The following TSHZ2 variants were observed in gnomAD, a reference collection of about 807,000 sequenced individuals.
The protein encoded by TSHZ2 is teashirt zinc finger homeobox 2, also known as teashirt homolog 2.
A neutral mutation model predicts 74.4 loss-of-function variants in TSHZ2; 21 were observed. That is an observed-to-expected ratio of 0.28 (90% confidence interval 0.20 to 0.41). The LOEUF (loss-of-function observed/expected upper bound fraction) is 0.41. TSHZ2 is among the 10% of genes least tolerant of loss of function. The pLI is 1.00. For synonymous variants in TSHZ2, 540 were observed against 515.3 expected, an observed-to-expected ratio of 1.05 and a Z score of -0.65; for missense variants, 1,244 against 1,293.5, an observed-to-expected ratio of 0.96 and a Z score of 0.59.
At chr20:53,221,921 C>T (rs920555352) in intron 1 of TSHZ2, among the ~76,000 whole-genome samples, 7 of 152,186 alleles carry the variant, frequency 4.6e-5, no homozygotes, top group Admixed American at 4.6e-4. Context: ...CACAAACTAT[C>T]ATATCAATCT....
chr20:53,383,997 G>A (rs889613002), intron 2 of TSHZ2, among the ~76,000 whole-genome samples: 1 of 152,118 alleles, frequency 6.6e-6, no homozygotes, highest in Non-Finnish European at 1.5e-5. Context: ...CCCTCTTCCG[G>A]ATGACATGTG....
At chr20:52,976,701 T>C (rs1981352185) in intron 1 of TSHZ2, among the ~76,000 whole-genome samples, 1 of 152,230 alleles carries the variant, frequency 6.6e-6, no homozygotes, top group Non-Finnish European at 1.5e-5. Flanking sequence ...GTATTTTATT[T>C]CACCATACTG....
rs1017185402 is a variant in TSHZ2 at position 53,212,372 on chromosome 20, C to T, written c.41-41127C>T. Among the ~76,000 whole-genome samples the T allele has an allele frequency of 4.6e-5, 7 of 152,114 alleles. No individual in the cohort carries two copies. The South Asian group carries it at 6.2e-4, about 14-fold the overall frequency. ...ATGATACTAATTTAGAGTAGGTTCC[C>T]GCTAATGAAAAGCTGTAGCAAATTA... On this transcript the variant is annotated intron_variant, in intron 1 of 2. Coordinates refer to ENST00000371497, the MANE Select transcript of TSHZ2 (RefSeq NM_173485.6).
intron 1 of TSHZ2, among the ~76,000 whole-genome samples, chr20:53,029,474 G>A (rs936827124): frequency 7.2e-5 from 11 of 152,280 alleles, no homozygotes; most frequent in South Asian, 4.2e-4. Context: ...TCAGGAGTTC[G>A]AGACCAGCAT....
At chr20:53,045,719 C>T (rs1285418137) in intron 1 of TSHZ2, among the ~76,000 whole-genome samples, 1 of 152,194 alleles carries the variant, frequency 6.6e-6, no homozygotes, top group African/African-American at 2.4e-5. Flanking sequence ...GGATTTCACT[C>T]TCTGCACCTC....
chr20:53,389,615 A>T lies in TSHZ2; in HGVS notation c.*9-97529A>T, dbSNP rs558694946. 1.7e-4 allele frequency among the ~76,000 whole-genome samples: 26 copies of T among 152,316 alleles called. No individual in the cohort carries two copies. The East Asian group carries it at 4.8e-3, about 28-fold the overall frequency. ...GAAAAGTAGTGGCAGAGGTGAAGTT[A>T]CAACAGTAGGCAGGTGGCCATGCTC... On this transcript the variant is annotated intron_variant, in intron 2 of 2. Coordinates refer to ENST00000371497, the MANE Select transcript of TSHZ2 (RefSeq NM_173485.6).
Position 53,255,751 on chromosome 20 carries a change from A to G in TSHZ2, c.2293A>G (p.Ile765Val). Reference sequence around the variant, plus strand: ...CCTGTTTGAGAACAGCGATCAGCCCATTGACCTGACCAAGTCCAAAAGCAA... The same window carrying G: ...CCTGTTTGAGAACAGCGATCAGCCCGTTGACCTGACCAAGTCCAAAAGCAA... ...RYLFENSDQP[I>V]DLTKSKSKKA... is the part of the protein sequence containing the mutation. Residue 765 changes from isoleucine to valine, a missense_variant, in exon 2 of 3, where the codon ATT becomes GTT. Coordinates refer to ENST00000371497, the MANE Select transcript of TSHZ2 (RefSeq NM_173485.6). The surrounding 1 kb of genome is among the most constrained non-coding windows in gnomAD (Gnocchi z 4.1). The G allele has an allele frequency of 1.2e-6, 2 of 1,613,936 alleles. No homozygotes were observed. Among genetic ancestry groups the G allele is most frequent in the Non-Finnish European group, 1.7e-6 (2 of 1,179,944 alleles).
intron 2 of TSHZ2, among the ~76,000 whole-genome samples, chr20:53,279,428 T>G (rs1991012203): frequency 6.6e-6 from 1 of 152,192 alleles, no homozygotes; most frequent in Non-Finnish European, 1.5e-5. Context: ...TTTCAACCAT[T>G]TAAAAATATA....
intron 2 of TSHZ2, among the ~76,000 whole-genome samples, chr20:53,282,447 T>C (rs1363226782): frequency 6.6e-6 from 1 of 152,206 alleles, no homozygotes; most frequent in Non-Finnish European, 1.5e-5. Flanking sequence ...TCAAGAGCTT[T>C]TCTATCTTTT....
At chr20:53,466,521 G>T (rs186414903) in intron 2 of TSHZ2, among the ~76,000 whole-genome samples, 1 of 152,314 alleles carries the variant, frequency 6.6e-6, no homozygotes, top group East Asian at 1.9e-4. Context: ...AAGCTGTCCA[G>T]GTTGTTTATG....
At chr20:53,172,918 C>T (rs1988235697) in intron 1 of TSHZ2, among the ~76,000 whole-genome samples, 3 of 152,198 alleles carry the variant, frequency 2.0e-5, no homozygotes, top group African/African-American at 7.2e-5. Context: ...GCTCTGAAGA[C>T]AAGCTCTGTG....
intron 2 of TSHZ2, among the ~76,000 whole-genome samples, chr20:53,319,676 G>T (rs1178584690): frequency 6.6e-6 from 1 of 152,222 alleles, no homozygotes; most frequent in African/African-American, 2.4e-5. Context: ...GATCTCATGT[G>T]GGCTCTGTCA....
At chr20:53,242,976 A>G (rs1182570797) in intron 1 of TSHZ2, among the ~76,000 whole-genome samples, 2 of 152,192 alleles carry the variant, frequency 1.3e-5, no homozygotes. Flanking sequence ...AGTACATAGT[A>G]AGTACAATTG....
chr20:53,043,861 T>G (rs1285610191), intron 1 of TSHZ2, among the ~76,000 whole-genome samples: 1 of 152,174 alleles, frequency 6.6e-6, no homozygotes, highest in Non-Finnish European at 1.5e-5. Flanking sequence ...GTAAACAAAT[T>G]TAATAGTTTC....
intron 1 of TSHZ2, among the ~76,000 whole-genome samples, chr20:53,228,783 T>C (rs949379098): frequency 6.6e-6 from 1 of 151,846 alleles, no homozygotes; most frequent in Non-Finnish European, 1.5e-5. Flanking sequence ...ACCTCCCGAG[T>C]TGAGACAACC....
At chr20:53,328,629 C>A (rs1248098157) in intron 2 of TSHZ2, among the ~76,000 whole-genome samples, 1 of 152,144 alleles carries the variant, frequency 6.6e-6, no homozygotes, top group South Asian at 2.1e-4. Flanking sequence ...GAGGAATTAG[C>A]ATCTTTCTAT....
intron 1 of TSHZ2, among the ~76,000 whole-genome samples, chr20:53,232,316 A>AT (rs1297279560): frequency 6.6e-6 from 1 of 152,148 alleles, no homozygotes; most frequent in African/African-American, 2.4e-5. Flanking sequence ...TCACACGTTT[A>AT]TTTTTGCATT....
chr20:53,182,061 T>A (rs1298683975), intron 1 of TSHZ2, among the ~76,000 whole-genome samples: 1 of 152,202 alleles, frequency 6.6e-6, no homozygotes, highest in Non-Finnish European at 1.5e-5. Context: ...ACCTACTACG[T>A]GCCACATATA....
At chr20:53,152,384 C>A (rs1486454020) in intron 1 of TSHZ2, among the ~76,000 whole-genome samples, 1 of 152,130 alleles carries the variant, frequency 6.6e-6, no homozygotes, top group Admixed American at 6.5e-5. Flanking sequence ...TCACCCTAAT[C>A]TTGACCCTAA....
Sources: gnomAD v4.1 joint callset for allele counts (sites outside exome capture counted in the v4.1 genomes callset) on GRCh38, gnomAD v4.1.1 for gene constraint, Gnocchi (gnomAD v3.1) non-coding constraint, MANE v1.5 for transcripts, NCBI Gene and HGNC (gene_info 2026-07-23, HGNC 2026-07-21) for gene names.